The following TENM1 variants were observed in gnomAD, a reference collection of about 807,000 sequenced individuals.
TENM1 encodes the protein teneurin-1.
Under a neutral mutation model 174.8 loss-of-function variants are expected in TENM1, and 35 were observed. That is an observed-to-expected ratio of 0.20 (90% CI 0.15 to 0.27). TENM1 has a LOEUF of 0.27. Ranked by LOEUF, TENM1 falls within the 10% of genes least tolerant of loss-of-function variation. TENM1 has a pLI of 1.00. For synonymous variants in TENM1, 781 were observed against 798.7 expected (o/e 0.98, Z 0.37); for missense variants, 1,633 against 2,130.1 (o/e 0.77, Z 4.59).
chrX:124,787,312 A>C (rs1014718026), intron 3 of TENM1, among the ~76,000 whole-genome samples: 13 of 111,561 alleles, frequency 1.2e-4, no homozygotes, highest in African/African-American at 4.3e-4. Flanking sequence ...GTATACTTTC[A>C]CCATATGGAA....
chrX:125,163,358 G>C, the TENM1 span, among the ~76,000 whole-genome samples: 1 of 110,287 alleles, frequency 9.1e-6, no homozygotes, highest in Non-Finnish European at 1.9e-5. Context: ...ACATCATAAT[G>C]ATTATCTAGA....
At chrX:124,621,944 G>A (rs2050529739) in intron 11 of TENM1, among the ~76,000 whole-genome samples, 2 of 112,213 alleles carry the variant, frequency 1.8e-5, no homozygotes, top group Admixed American at 1.9e-4. Context: ...AGGTGAGGAT[G>A]CGCTTGAGTT....
At chrX:124,599,106 C>T (rs1351686061) in intron 11 of TENM1, among the ~76,000 whole-genome samples, 1 of 111,365 alleles carries the variant, frequency 9.0e-6, no homozygotes, top group Non-Finnish European at 1.9e-5. Context: ...CAGACATCCA[C>T]TGGGAATCTT....
At chrX:124,411,787 C>G (rs1432287336) in intron 25 of TENM1, 1 of 112,197 alleles carries the variant, frequency 8.9e-6, no homozygotes, top group East Asian at 2.8e-4. Flanking sequence ...ATTTTGATTT[C>G]TTATAGCTTA....
At chrX:124,909,993 A>C (rs2057810600) in intron 1 of TENM1, among the ~76,000 whole-genome samples, 1 of 112,305 alleles carries the variant, frequency 8.9e-6, no homozygotes, top group African/African-American at 3.2e-5. Flanking sequence ...TGTGATCTAC[A>C]TTCAGAGTTT....
intron 3 of TENM1, among the ~76,000 whole-genome samples, chrX:124,867,906 T>A (rs2057036705): frequency 9.0e-6 from 1 of 111,089 alleles, no homozygotes; most frequent in African/African-American, 3.3e-5. Flanking sequence ...GAAAATAAAA[T>A]ACCCAGGAAT....
At chrX:124,606,324 A>G (rs1184197538) in intron 11 of TENM1, among the ~76,000 whole-genome samples, 2 of 111,207 alleles carry the variant, frequency 1.8e-5, no homozygotes, top group Non-Finnish European at 3.8e-5. Flanking sequence ...CTCTATAAGA[A>G]CCTTTATCAT....
At chrX:125,079,928 T>C in the TENM1 span, among the ~76,000 whole-genome samples, 2 of 111,339 alleles carry the variant, frequency 1.8e-5, no homozygotes, top group Non-Finnish European at 3.8e-5. Flanking sequence ...CTGCATATAA[T>C]GTAAGAGAAC....
chrX:124,615,341 A>C (rs2050374496), intron 11 of TENM1, among the ~76,000 whole-genome samples: 2 of 111,783 alleles, frequency 1.8e-5, no homozygotes, highest in Non-Finnish European at 3.8e-5. Flanking sequence ...TGGAGGGCGA[A>C]CTGTACTACC....
At chrX:124,729,852 A>G (rs1392083643) in intron 4 of TENM1, among the ~76,000 whole-genome samples, 1 of 111,695 alleles carries the variant, frequency 9.0e-6, no homozygotes, top group Non-Finnish European at 1.9e-5. Flanking sequence ...GTGGTGAAAG[A>G]GTATATTCTA....
chrX:124,477,728 G>T (rs756363321), intron 22 of TENM1, among the ~76,000 whole-genome samples: 1 of 101,388 alleles, frequency 9.9e-6, no homozygotes, highest in African/African-American at 3.6e-5. Flanking sequence ...CTCCAGCCAG[G>T]GTGACAGCGA....
intron 16 of TENM1, among the ~76,000 whole-genome samples, chrX:124,526,539 C>T (rs2047979574): frequency 8.9e-6 from 1 of 112,134 alleles, no homozygotes; most frequent in African/African-American, 3.2e-5. Flanking sequence ...AAACCATTTC[C>T]AATGCCAAAT....
chrX:124,570,204 T>C (rs192764109), intron 11 of TENM1, among the ~76,000 whole-genome samples: 1 of 111,475 alleles, frequency 9.0e-6, no homozygotes. Context: ...ACTTAATCCA[T>C]AATGGAAAAC....
intron 28 of TENM1, among the ~76,000 whole-genome samples, chrX:124,388,581 C>T (rs1415131933): frequency 1.8e-5 from 2 of 112,344 alleles, no homozygotes. Context: ...GGATAAAAGG[C>T]CATTTCTTAT....
At chrX:125,152,960 A>C in the TENM1 span, among the ~76,000 whole-genome samples, 1 of 112,094 alleles carries the variant, frequency 8.9e-6, no homozygotes, top group Non-Finnish European at 1.9e-5. Flanking sequence ...GAACTGTCTT[A>C]GTAATATTCA....
the TENM1 span, among the ~76,000 whole-genome samples, chrX:125,069,493 C>A: frequency 1.8e-5 from 2 of 111,302 alleles, no homozygotes; most frequent in African/African-American, 3.3e-5. Flanking sequence ...GTAATGATTC[C>A]TTTTCCTTTG....
intron 1 of TENM1, among the ~76,000 whole-genome samples, chrX:124,927,846 G>C (rs1321448580): frequency 9.0e-6 from 1 of 111,634 alleles, no homozygotes; most frequent in Non-Finnish European, 1.9e-5. Context: ...AGACAAACTT[G>C]ACCTTCTTTT....
At chrX:124,397,704 T>G (rs2060352192) in intron 27 of TENM1, among the ~76,000 whole-genome samples, 1 of 109,938 alleles carries the variant, frequency 9.1e-6, no homozygotes, top group Admixed American at 9.6e-5. Context: ...TTCAAGGGAT[T>G]CTCCTGCCTC....
At chrX:124,720,013 G>T (rs1569411373) in intron 4 of TENM1, among the ~76,000 whole-genome samples, 1 of 111,831 alleles carries the variant, frequency 8.9e-6, no homozygotes, top group East Asian at 2.8e-4. Context: ...AAACTGTACT[G>T]CAGCCTCACA....
Sources: allele counts gnomAD v4.1 joint callset (sites outside exome capture counted in the v4.1 genomes callset), GRCh38; gene constraint gnomAD v4.1.1; transcripts MANE v1.5; gene names NCBI Gene and HGNC (gene_info 2026-07-23, HGNC 2026-07-21).